CHST12: variants seen among roughly 807,000 people sequenced by gnomAD.
CHST12 encodes carbohydrate sulfotransferase 12, also known as carbohydrate (chondroitin 4) sulfotransferase 12.
CHST12 carries 23 observed loss-of-function variants against 27.9 expected under a neutral mutation model. The observed-to-expected ratio is 0.82, with a 90% CI of 0.59 to 1.17. The LOEUF (loss-of-function observed/expected upper bound fraction) is 1.17. Among genes scored for constraint, CHST12 ranks in the 50% most tolerant of loss-of-function variants. The pLI is 0.00. For synonymous variants in CHST12, 322 were observed against 273.0 expected (o/e 1.18, Z -1.77); for missense variants, 682 against 603.0 (o/e 1.13, Z -1.37).
intron 1 of CHST12, among the ~76,000 whole-genome samples, chr7:2,428,949 C>T (rs1475787956): frequency 2.0e-5 from 3 of 152,180 alleles, no homozygotes; most frequent in South Asian, 2.1e-4. Context: ...GTTTATAGCA[C>T]TATCTTATCC....
rs186478955 is a variant in CHST12, at chr7:2,406,960, T to G, written c.-78+3287T>G. Among the ~76,000 whole-genome samples, 40 of 151,124 alleles carry G rather than the reference T, an allele frequency of 2.6e-4. 1 individual carries two copies. The highest frequency in any genetic ancestry group is 9.5e-4 in the African/African-American group (39 of 41,114). On this transcript the variant is annotated intron_variant, in intron 1 of 1. Coordinates refer to ENST00000618655, the MANE Select transcript of CHST12 (RefSeq NM_018641.5). ...GAGGTGAGCGAAAATATCGCGAACA[T>G]GAGGCAAGAACAGGAAGCTCTAAAA...
Position 2,438,863 on chromosome 7 carries a change from T to A in CHST12, c.*4979T>A, listed in dbSNP as rs1782536884. 1.3e-5 allele frequency: 2 copies of A among 152,270 alleles called. No individual in the cohort carries two copies. Among genetic ancestry groups the A allele is most frequent in the South Asian group, 4.1e-4 (2 of 4,834 alleles). 9.4% of individuals were successfully genotyped at this position (152,270 alleles called of 1,614,324 possible). On this transcript the variant is annotated 3_prime_UTR_variant, in exon 2 of 2. Coordinates refer to ENST00000618655, the MANE Select transcript of CHST12 (RefSeq NM_018641.5). ...ATGGTTGATACGGGACGGGGCTGATTTCCTGACCTGGACCCCTGAGACCCA... is the reference window on the plus strand; with the variant it reads ...ATGGTTGATACGGGACGGGGCTGATATCCTGACCTGGACCCCTGAGACCCA...
chr7:2,440,111 C>G lies in CHST12; in HGVS notation c.*6227C>G, dbSNP rs1369470935. On this transcript the variant is annotated 3_prime_UTR_variant, in exon 2 of 2. Transcript: ENST00000618655. ...TCTCTGTGTCTGTCCGTGGGCGCTA[C>G]TGATCTGAGCCAAGCACCATTCCGC... is the stretch of plus-strand genomic sequence containing the variant. 1.3e-5 allele frequency: 2 copies of G among 152,872 alleles called. No homozygotes were observed. The highest frequency in any genetic ancestry group is 2.9e-5 in the Non-Finnish European group (2 of 68,054). 9.5% of individuals were successfully genotyped at this position (152,872 alleles called of 1,614,324 possible).
In CHST12 at chr7:2,437,600, A is replaced by G. The variant is rs538049973; in HGVS notation, c.*3716A>G. 2 of 152,166 alleles carry G rather than the reference A, an allele frequency of 1.3e-5. No individual in the cohort carries two copies. The highest frequency in any genetic ancestry group is 2.9e-5 in the Non-Finnish European group (2 of 68,060). The allele number at this position is 152,166 out of a possible 1,614,324, so 9.4% of individuals were successfully genotyped here. ...TTGGCCCTATGTCTTGATGGAGGGC[A>G]AGGGTTAGGATTTCAGTTTATCTTC... On this transcript the variant is annotated 3_prime_UTR_variant, in exon 2 of 2. Coordinates refer to ENST00000618655, the MANE Select transcript of CHST12 (RefSeq NM_018641.5).
At chr7:2,431,739 TG>T (rs1697585752) in intron 1 of CHST12, among the ~76,000 whole-genome samples, 1 of 152,126 alleles carries the variant, frequency 6.6e-6, no homozygotes, top group Non-Finnish European at 1.5e-5. Flanking sequence ...CAGGGTGGTG[TG>T]GAAGGTCAGC....
At position 2,433,738 on chromosome 7, in the gene CHST12, A is replaced by C. The variant is rs1279559635; in HGVS notation, c.1099A>C (p.Ser367Arg). 4.3e-6 allele frequency: 7 copies of C among 1,613,714 alleles called. No individual in the cohort carries two copies. The South Asian group carries it at 6.6e-5, about 15-fold the overall frequency. Reference protein sequence around the residue: ...QVDRQLRFPPSYRNRTASSWE... With the variant: ...QVDRQLRFPPRYRNRTASSWE... ...GGACCGGCAGCTCCGCTTCCCCCCGAGCTACCGGAACAGGACCGCCAGCAG... is the reference window on the plus strand; with the variant it reads ...GGACCGGCAGCTCCGCTTCCCCCCGCGCTACCGGAACAGGACCGCCAGCAG... The change falls in exon 2 of 2, where the codon AGC (serine) becomes CGC (arginine). Residue 367 changes from serine (S) to arginine (R), a missense_variant. Physicochemically the swap from Ser to Arg is moderately radical, Grantham distance 110. Transcript: ENST00000618655. This position sits in a 1 kb window ranked among gnomAD's most constrained non-coding sequence, Gnocchi z 6.1.
At chr7:2,417,019 C>T (rs974082666) in intron 1 of CHST12, among the ~76,000 whole-genome samples, 2 of 152,040 alleles carry the variant, frequency 1.3e-5, no homozygotes, top group Admixed American at 6.6e-5. Flanking sequence ...TTGGTGAATT[C>T]GGGGTCCTGA....
chr7:2,430,694 C>T (rs757674178), intron 1 of CHST12, among the ~76,000 whole-genome samples: 7 of 152,030 alleles, frequency 4.6e-5, no homozygotes, highest in Non-Finnish European at 1.0e-4. Flanking sequence ...TCAAGTGATC[C>T]ACCTGCCTCG....
At position 2,441,796 on chromosome 7, in the gene CHST12, G is replaced by T. The variant is rs574317849; in HGVS notation, c.*7912G>T. 3.9e-5 allele frequency: 6 copies of T among 151,942 alleles called. No homozygotes were observed. Among genetic ancestry groups the T allele is most frequent in the African/African-American group, 1.2e-4 (5 of 41,468 alleles). 9.4% of individuals were successfully genotyped at this position (151,942 alleles called of 1,614,324 possible). A position where few individuals can be genotyped will look rare whatever the true frequency, so the allele number is the denominator to read the frequency against. On this transcript the variant is annotated 3_prime_UTR_variant, in exon 2 of 2. Transcript: ENST00000618655. ...GAAAAAAAAGAAAAAGGTTGACCTT[G>T]TAAGTATATTTTCTTGGGTGAATTG... is the stretch of plus-strand genomic sequence containing the variant.
At chr7:2,410,878 A>G (rs1206858907) in intron 1 of CHST12, among the ~76,000 whole-genome samples, 3 of 152,048 alleles carry the variant, frequency 2.0e-5, no homozygotes, top group Admixed American at 6.6e-5. Flanking sequence ...CCAACTTTTA[A>G]TAGAATAACC....
chr7:2,432,708 C>T lies in CHST12; in HGVS notation c.69C>T (p.Ile23=), dbSNP rs757418358. 5 of 1,613,788 alleles carry T rather than the reference C, an allele frequency of 3.1e-6. No homozygotes were observed. The highest frequency in any genetic ancestry group is 2.2e-5 in the South Asian group (2 of 91,074). Reference sequence around the variant, plus strand: ...CGGTGTTCATGATCCTGCTGATCATCGTGTACTGGGACAGCGCAGGCGCCG... The same window carrying T: ...CGGTGTTCATGATCCTGCTGATCATTGTGTACTGGGACAGCGCAGGCGCCG... The part of the protein sequence containing the change: ...LGSVFMILLI[I]VYWDSAGAAH... Residue 23 remains isoleucine, a synonymous_variant, in exon 2 of 2, where the codon ATC becomes ATT. Transcript: ENST00000618655.
At position 2,438,559 on chromosome 7, in the gene CHST12, A is replaced by C. The variant is rs1295129699; in HGVS notation, c.*4675A>C. On this transcript the variant is annotated 3_prime_UTR_variant, in exon 2 of 2. Transcript: ENST00000618655. Reference sequence around the variant, plus strand: ...CATTATCCAGGGGTAATTTTTGCTCACTTATTTATAAGCCACACATCCTCT... The same window carrying C: ...CATTATCCAGGGGTAATTTTTGCTCCCTTATTTATAAGCCACACATCCTCT... 1 of 152,192 alleles carries C rather than the reference A, an allele frequency of 6.6e-6. No individual in the cohort carries two copies. Among genetic ancestry groups the C allele is most frequent in the Non-Finnish European group, 1.5e-5 (1 of 68,022 alleles). The allele number at this position is 152,192 out of a possible 1,614,324, so 9.4% of individuals were successfully genotyped here.
In CHST12 at chr7:2,432,784, C is replaced by T. The variant is rs752586583; in HGVS notation, c.145C>T (p.Leu49=). 1.9e-6 allele frequency: 3 copies of T among 1,613,526 alleles called. No homozygotes were observed. The African/African-American group carries it at 4.0e-5, about 22-fold the overall frequency. ...SFSRPHTGPP[L]PTPGPDRDRE... is the part of the protein sequence containing the mutation. ...CTCTAGGCCGCACACGGGGCCGCCG[C>T]TGCCCACGCCCGGGCCGGACAGGGA... is the stretch of plus-strand genomic sequence containing the variant. Residue 49 remains leucine (L), a synonymous_variant, in exon 2 of 2, where the codon CTG becomes TTG. Transcript: ENST00000618655.
At chr7:2,428,221 G>C (rs1032338937) in intron 1 of CHST12, among the ~76,000 whole-genome samples, 11 of 146,604 alleles carry the variant, frequency 7.5e-5, no homozygotes, top group Admixed American at 1.4e-4. Flanking sequence ...TTGAGACAGA[G>C]TCTTGCTCTA....
At position 2,436,957 on chromosome 7, in the gene CHST12, G is replaced by A. The variant is rs1312896028; in HGVS notation, c.*3073G>A. 3 of 152,428 alleles carry A rather than the reference G, an allele frequency of 2.0e-5. No homozygotes were observed. Among genetic ancestry groups the A allele is most frequent in the African/African-American group, 7.2e-5 (3 of 41,584 alleles). The allele number at this position is 152,428 out of a possible 1,614,324, so 9.4% of individuals were successfully genotyped here. A position where few individuals can be genotyped will look rare whatever the true frequency, so the allele number is the denominator to read the frequency against. ...AAAAGGGCCTGCTGGGCCGAGGGGA[G>A]GCGTCTCCGGGAAGAGAGGGAGGTG... On this transcript the variant is annotated 3_prime_UTR_variant, in exon 2 of 2. Transcript: ENST00000618655.
chr7:2,421,468 G>A (rs1250704049), intron 1 of CHST12, among the ~76,000 whole-genome samples: 8 of 141,822 alleles, frequency 5.6e-5, no homozygotes, highest in South Asian at 2.2e-4. Flanking sequence ...ACGGAGTCTC[G>A]CTCTGTTGCC....
chr7:2,415,770 G>A (rs538872144), intron 1 of CHST12, among the ~76,000 whole-genome samples: 3 of 151,848 alleles, frequency 2.0e-5, no homozygotes, highest in African/African-American at 7.3e-5. Flanking sequence ...CCGCCACCAC[G>A]CCTGGCTAAT....
intron 1 of CHST12, among the ~76,000 whole-genome samples, chr7:2,411,505 T>TTTTTTTTC (rs1781664840): frequency 6.9e-6 from 1 of 145,632 alleles, no homozygotes; most frequent in African/African-American, 2.6e-5. Flanking sequence ...TTTTTTTTTT[T>TTTTTTTTC]TTTGAGACGG....
intron 1 of CHST12, among the ~76,000 whole-genome samples, chr7:2,432,121 G>C (rs915161275): frequency 1.8e-5 from 2 of 112,728 alleles, no homozygotes; most frequent in African/African-American, 7.0e-5. Context: ...CAGCCTGGGC[G>C]ACAGAGCGAG....
Sources: allele counts gnomAD v4.1 joint callset (sites outside exome capture counted in the v4.1 genomes callset), GRCh38; gene constraint gnomAD v4.1.1; non-coding constraint Gnocchi (gnomAD v3.1); transcripts MANE v1.5; gene names NCBI Gene and HGNC (gene_info 2026-07-23, HGNC 2026-07-21).